DNAH14: variants seen among roughly 807,000 people sequenced by gnomAD.
DNAH14 encodes the protein dynein axonemal heavy chain 14.
A neutral mutation model predicts 520.9 loss-of-function variants in DNAH14; 478 were observed. That is an observed-to-expected ratio of 0.92 (90% CI 0.85 to 0.99). The LOEUF (loss-of-function observed/expected upper bound fraction) is 0.99. Among genes scored for constraint, DNAH14 ranks in the 50% least tolerant of loss-of-function variants. DNAH14 has a pLI of 0.00. For synonymous variants in DNAH14, 1,581 were observed against 1,757.2 expected, an observed-to-expected ratio of 0.90 and a Z score of 2.51; for missense variants, 4,831 against 5,234.5, an observed-to-expected ratio of 0.92 and a Z score of 2.38.
chr1:225,058,451 A>G (rs1410260001), intron 17 of DNAH14, among the ~76,000 whole-genome samples: 2 of 152,116 alleles, frequency 1.3e-5, no homozygotes, highest in Non-Finnish European at 2.9e-5. Context: ...CTAGTGGTCT[A>G]TCAATTTTGT....
chr1:224,934,480 T>A (rs2058899084), intron 1 of DNAH14, among the ~76,000 whole-genome samples: 1 of 151,288 alleles, frequency 6.6e-6, no homozygotes, highest in Admixed American at 6.6e-5. Context: ...AATAATTCAG[T>A]CAGAAAAAAT....
chr1:224,932,746 G>A (rs548523869), intron 1 of DNAH14, among the ~76,000 whole-genome samples: 71 of 152,058 alleles, frequency 4.7e-4, no homozygotes, highest in Non-Finnish European at 7.2e-4. Context: ...CTATAAATAT[G>A]TGGCTTTAAT....
intron 22 of DNAH14, among the ~76,000 whole-genome samples, chr1:225,098,668 G>A (rs548859479): frequency 5.7e-4 from 87 of 152,050 alleles, no homozygotes; most frequent in South Asian, 1.3e-3. Flanking sequence ...TTGATTGATC[G>A]GTAGTTATTC....
At chr1:224,967,291 T>C (rs1235235932) in intron 5 of DNAH14, 140 bp from the exon 6 acceptor site, 3 of 467,846 alleles carry the variant, frequency 6.4e-6, no homozygotes, top group Non-Finnish European at 1.1e-5. Context: ...GATGTTAGCT[T>C]TCTCCAAATA....
At chr1:224,975,091 G>A (rs2061728684) in intron 8 of DNAH14, among the ~76,000 whole-genome samples, 1 of 151,706 alleles carries the variant, frequency 6.6e-6, no homozygotes, top group South Asian at 2.1e-4. Flanking sequence ...TGATCATGGT[G>A]GATAAGCTTT....
At chr1:225,114,522 C>T (rs190830675) in intron 23 of DNAH14, among the ~76,000 whole-genome samples, 4 of 152,316 alleles carry the variant, frequency 2.6e-5, no homozygotes, top group African/African-American at 9.6e-5. Flanking sequence ...TGTGTCCCCC[C>T]AGTCCACTGG....
intron 84 of DNAH14, 47 bp from the exon 85 acceptor site, chr1:225,398,473 C>T (rs1022043441): frequency 7.1e-6 from 11 of 1,542,276 alleles, no homozygotes; most frequent in Admixed American, 2.0e-5. Context: ...TCCAGTTGGT[C>T]GCTGCTTCTC....
chr1:225,370,869 G>A lies in DNAH14; in HGVS notation c.12318+2837G>A, dbSNP rs995408683. On this transcript the variant is annotated intron_variant, in intron 77 of 85. Coordinates refer to ENST00000682510, the MANE Select transcript of DNAH14 (RefSeq NM_001367479.1). ...TTAAAGCTTACAGCTATAAAAAATT[G>A]GATTTTGATAAGACAAATAAAATTT... Among the ~76,000 whole-genome samples, 3 of 151,982 alleles carry A rather than the reference G, an allele frequency of 2.0e-5. No individual in the cohort carries two copies. The East Asian group carries it at 5.8e-4, about 29-fold the overall frequency.
intron 26 of DNAH14, 65 bp downstream of exon 26, chr1:225,119,359 C>A: frequency 9.2e-7 from 1 of 1,086,232 alleles, no homozygotes; most frequent in South Asian, 2.3e-5. Context: ...TATATATATA[C>A]ACACACATTT....
chr1:225,391,759 G>A (rs936971249), intron 83 of DNAH14, among the ~76,000 whole-genome samples: 1 of 152,060 alleles, frequency 6.6e-6, no homozygotes, highest in African/African-American at 2.4e-5. Flanking sequence ...GGCATGGTGA[G>A]TTCGAGATGT....
intron 81 of DNAH14, among the ~76,000 whole-genome samples, chr1:225,387,498 G>T (rs1037702265): frequency 2.0e-5 from 3 of 152,140 alleles, no homozygotes; most frequent in African/African-American, 7.2e-5. Context: ...TCTGGGAGAG[G>T]GAATATAAAG....
At chr1:225,137,911 C>T (rs1054497280) in intron 27 of DNAH14, among the ~76,000 whole-genome samples, 3 of 152,142 alleles carry the variant, frequency 2.0e-5, no homozygotes, top group Non-Finnish European at 4.4e-5. Flanking sequence ...GCCCCTCACC[C>T]GGGGATCTCC....
chr1:225,144,929 G>T (rs893441199), intron 29 of DNAH14, among the ~76,000 whole-genome samples: 1 of 151,972 alleles, frequency 6.6e-6, no homozygotes, highest in Non-Finnish European at 1.5e-5. Flanking sequence ...GTATGTGTGT[G>T]TGAAAGAGAG....
chr1:225,061,498 C>G (rs1214965345), intron 17 of DNAH14, among the ~76,000 whole-genome samples: 1 of 152,210 alleles, frequency 6.6e-6, no homozygotes, highest in Non-Finnish European at 1.5e-5. Flanking sequence ...TTGGCTCATG[C>G]TCGGTGCGCA....
At chr1:225,285,638 C>G (rs1459829010) in intron 54 of DNAH14, among the ~76,000 whole-genome samples, 1 of 152,048 alleles carries the variant, frequency 6.6e-6, no homozygotes, top group Non-Finnish European at 1.5e-5. Context: ...AGGAGGATTG[C>G]CTGAGGCCAG....
intron 17 of DNAH14, among the ~76,000 whole-genome samples, chr1:225,058,614 T>G (rs2069515921): frequency 6.6e-6 from 1 of 152,212 alleles, no homozygotes; most frequent in Non-Finnish European, 1.5e-5. Flanking sequence ...TTCTTTTAAT[T>G]GTGATGTTAG....
chr1:224,995,341 T>C (rs920484522), intron 8 of DNAH14, among the ~76,000 whole-genome samples: 3 of 152,156 alleles, frequency 2.0e-5, no homozygotes, highest in African/African-American at 7.2e-5. Context: ...GTTGTTTTTT[T>C]TTCCCCCTTA....
intron 55 of DNAH14, among the ~76,000 whole-genome samples, chr1:225,291,276 A>C (rs555787415): frequency 6.6e-6 from 1 of 152,246 alleles, no homozygotes; most frequent in African/African-American, 2.4e-5. Context: ...GTGGACACTT[A>C]GGTAGATTCT....
chr1:224,949,808 T>G (rs1558490324), intron 1 of DNAH14, among the ~76,000 whole-genome samples: 1 of 152,208 alleles, frequency 6.6e-6, no homozygotes, highest in East Asian at 1.9e-4. Context: ...CTGTGCATTT[T>G]AGATAGCATC....
Sources: gnomAD v4.1 joint callset for allele counts (sites outside exome capture counted in the v4.1 genomes callset) on GRCh38, gnomAD v4.1.1 for gene constraint, MANE v1.5 for transcripts, NCBI Gene and HGNC (gene_info 2026-07-23, HGNC 2026-07-21) for gene names.